Variants in SLC8A1 observed in about 807,000 individuals in gnomAD.
SLC8A1 encodes the protein sodium/calcium exchanger 1.
SLC8A1 carries 18 observed loss-of-function variants against 68.3 expected under a neutral mutation model. The observed-to-expected ratio is 0.26, with a 90% confidence interval of 0.18 to 0.39. The LOEUF is 0.39. Among genes scored for constraint, SLC8A1 ranks in the 10% least tolerant of loss-of-function variants. SLC8A1 has a pLI of 1.00. For synonymous variants in SLC8A1, 475 were observed against 415.5 expected, an observed-to-expected ratio of 1.14 and a Z score of -1.74; for missense variants, 985 against 1,156.7, an observed-to-expected ratio of 0.85 and a Z score of 2.15.
chr2:40,145,186 TTTTC>T (rs1417694069), intron 6 of SLC8A1, among the ~76,000 whole-genome samples: 1 of 134,336 alleles, frequency 7.4e-6, no homozygotes, highest in Admixed American at 7.3e-5. Flanking sequence ...CATGCAATAT[TTTTC>T]TTTCTCTGTC....
At chr2:40,149,287 T>C (rs374485514) in intron 6 of SLC8A1, among the ~76,000 whole-genome samples, 2 of 152,190 alleles carry the variant, frequency 1.3e-5, no homozygotes, top group Non-Finnish European at 2.9e-5. Flanking sequence ...GTTCTAGGCA[T>C]TGCAAATGCA....
At chr2:40,494,640 AATATATATATATATATATATATATAT>A (rs34595267) in intron 1 of SLC8A1, among the ~76,000 whole-genome samples, 1,949 of 92,698 alleles carry the variant, frequency 0.021, 92 homozygotes, top group African/African-American at 0.087. Flanking sequence ...CTTAAAGTAT[AATATATATATATATATATATATATAT>A]ATATATATAT....
intron 1 of SLC8A1, among the ~76,000 whole-genome samples, chr2:40,457,927 G>A (rs755434621): frequency 1.8e-4 from 27 of 152,164 alleles, no homozygotes; most frequent in Admixed American, 1.3e-3. Context: ...GGGATTTGCC[G>A]AATCCTGGCT....
chr2:40,330,005 C>A (rs945204668), intron 2 of SLC8A1, among the ~76,000 whole-genome samples: 5 of 152,206 alleles, frequency 3.3e-5, no homozygotes, highest in African/African-American at 4.8e-5. Flanking sequence ...GGAGCTGAAA[C>A]TTCAGAAGCA....
intron 2 of SLC8A1, chr2:40,251,813 A>T (rs1199718968): frequency 6.6e-6 from 1 of 152,182 alleles, no homozygotes; most frequent in Non-Finnish European, 1.5e-5. Flanking sequence ...ATTCTTTTAG[A>T]AGTTGGTCTA....
chr2:40,182,845 G>A (rs891687960), intron 2 of SLC8A1, among the ~76,000 whole-genome samples: 6 of 152,110 alleles, frequency 3.9e-5, no homozygotes, highest in African/African-American at 1.4e-4. Context: ...GCCTCAATTT[G>A]TCCTTCTATG....
chr2:40,296,341 C>T (rs912054919), intron 2 of SLC8A1, among the ~76,000 whole-genome samples: 31 of 152,130 alleles, frequency 2.0e-4, no homozygotes, highest in African/African-American at 7.0e-4. Context: ...GAAGGTGCTA[C>T]AGACCAATGG....
chr2:40,257,853 T>C (rs1446965923), intron 2 of SLC8A1, among the ~76,000 whole-genome samples: 1 of 152,124 alleles, frequency 6.6e-6, no homozygotes, highest in Non-Finnish European at 1.5e-5. Context: ...CAGAACCACA[T>C]CTCCACATGG....
chr2:40,466,515 T>C (rs1703684022), intron 1 of SLC8A1, among the ~76,000 whole-genome samples: 1 of 152,220 alleles, frequency 6.6e-6, no homozygotes, highest in African/African-American at 2.4e-5. Context: ...GTAGTTTCAG[T>C]TCTGCTACTA....
intron 2 of SLC8A1, among the ~76,000 whole-genome samples, chr2:40,253,144 T>C (rs1188839570): frequency 8.7e-6 from 1 of 115,126 alleles, no homozygotes; most frequent in Non-Finnish European, 1.7e-5. Context: ...TATGTATATG[T>C]ATATACATAC....
chr2:40,347,268 T>C (rs1669659423), intron 2 of SLC8A1, among the ~76,000 whole-genome samples: 1 of 152,228 alleles, frequency 6.6e-6, no homozygotes, highest in Admixed American at 6.5e-5. Flanking sequence ...CCCAAAGTGC[T>C]AGGATTACAA....
At chr2:40,301,069 G>A (rs919398490) in intron 2 of SLC8A1, among the ~76,000 whole-genome samples, 2 of 152,030 alleles carry the variant, frequency 1.3e-5, no homozygotes, top group Admixed American at 1.3e-4. Context: ...AAGTTCAGAG[G>A]GCTGAAGATA....
intron 2 of SLC8A1, among the ~76,000 whole-genome samples, chr2:40,218,124 C>G (rs1468113377): frequency 6.6e-6 from 1 of 152,070 alleles, no homozygotes; most frequent in Non-Finnish European, 1.5e-5. Context: ...AACTGTAAGA[C>G]TGGCATTGTT....
chr2:40,143,149 C>G (rs1386881270), intron 6 of SLC8A1, among the ~76,000 whole-genome samples: 1 of 152,152 alleles, frequency 6.6e-6, no homozygotes, highest in Non-Finnish European at 1.5e-5. Flanking sequence ...ATTTTAATCT[C>G]CAACTCAGAC....
chr2:40,454,902 C>A (rs1201168948), upstream of SLC8A1, among the ~76,000 whole-genome samples: 7 of 152,192 alleles, frequency 4.6e-5, no homozygotes, highest in Non-Finnish European at 7.3e-5. Context: ...CTGCTGCAGT[C>A]TGTGGCTTTG....
At chr2:40,191,765 T>A (rs1394468634) in intron 2 of SLC8A1, among the ~76,000 whole-genome samples, 1 of 152,138 alleles carries the variant, frequency 6.6e-6, no homozygotes, top group Non-Finnish European at 1.5e-5. Flanking sequence ...CTTTGAAAAT[T>A]TTTTTAAATT....
intron 2 of SLC8A1, among the ~76,000 whole-genome samples, chr2:40,178,734 A>G (rs1267493280): frequency 2.0e-5 from 3 of 152,240 alleles, no homozygotes; most frequent in Non-Finnish European, 4.4e-5. Context: ...AAAATATAGC[A>G]TTCAGTATTA....
At chr2:40,413,843 G>A (rs1166098880) in intron 2 of SLC8A1, among the ~76,000 whole-genome samples, 3 of 152,096 alleles carry the variant, frequency 2.0e-5, no homozygotes, top group Non-Finnish European at 4.4e-5. Flanking sequence ...CATAGAAAAA[G>A]AAGCATTATG....
chr2:40,299,485 T>C (rs983027050), intron 2 of SLC8A1, among the ~76,000 whole-genome samples: 3 of 152,294 alleles, frequency 2.0e-5, no homozygotes, highest in East Asian at 1.9e-4. Context: ...GAAGGAGCCC[T>C]GGAAGATCTG....
Sources: gnomAD v4.1 joint callset for allele counts (sites outside exome capture counted in the v4.1 genomes callset) on GRCh38, gnomAD v4.1.1 for gene constraint, MANE v1.5 for transcripts, NCBI Gene and HGNC (gene_info 2026-07-23, HGNC 2026-07-21) for gene names.